The following MIA3 variants were observed in gnomAD, a reference collection of about 807,000 sequenced individuals.
MIA3 encodes the protein transport and Golgi organization protein 1 homolog.
In MIA3, 90 loss-of-function variants were observed where a neutral mutation model predicts 192.4. The observed-to-expected ratio is 0.47, with a 90% CI of 0.39 to 0.56. The LOEUF (loss-of-function observed/expected upper bound fraction) is 0.56, where lower values mean the gene tolerates loss of function less well. MIA3 is among the 20% of genes least tolerant of loss of function. The probability of loss-of-function intolerance (pLI) is 0.00; values close to 1 mark genes in which losing one functional copy is unlikely to be tolerated. For missense variants in MIA3, 2,123 were observed against 2,269.4 expected (o/e 0.94, Z 1.31); for synonymous variants, 740 against 792.8 (o/e 0.93, Z 1.12).
chr1:222,662,774 A>T, intron 26 of MIA3: 1 of 165,226 alleles, frequency 6.1e-6, no homozygotes. Flanking sequence ...GGCAAAGTAA[A>T]TTCATTGTAA....
At chr1:222,665,271 T>A (rs1664223557) in intron 27 of MIA3, 38 bp from the exon 28 acceptor site, 1 of 1,433,376 alleles carries the variant, frequency 7.0e-7, no homozygotes, top group African/African-American at 1.4e-5. Context: ...TTTAAATACG[T>A]TCCTAGGAAT....
rs1571909284 is a variant in MIA3 at position 222,660,267 on chromosome 1, C to T, written c.5066C>T (p.Pro1689Leu). The T allele has an allele frequency of 1.9e-6, 3 of 1,614,026 alleles. No homozygotes were observed. In the African/African-American group the frequency reaches 4.0e-5, roughly 22 times the overall value. Reference sequence around the variant, plus strand: ...TTGACAGTGGAGCCACCCGTGAGACCTCTCTCTGCTACTCTCAATCGAAGA... The same window carrying T: ...TTGACAGTGGAGCCACCCGTGAGACTTCTCTCTGCTACTCTCAATCGAAGA... Reference protein sequence around the residue: ...PPLTVEPPVRPLSATLNRRDM... With the variant: ...PPLTVEPPVRLLSATLNRRDM... Residue 1689 changes from proline to leucine, a missense_variant, in exon 24 of 28, where the codon CCT becomes CTT. This residue lies in a region of MIA3 where 762 missense variants were observed against 856.4 expected (regional missense o/e 0.89). Coordinates refer to ENST00000344922, the MANE Select transcript of MIA3 (RefSeq NM_198551.4).
At chr1:222,638,905 T>C (rs1283161847) in intron 6 of MIA3, among the ~76,000 whole-genome samples, 3 of 151,582 alleles carry the variant, frequency 2.0e-5, no homozygotes, top group Non-Finnish European at 2.9e-5. Flanking sequence ...AAAGAAATAA[T>C]GAAGATAAGA....
intron 6 of MIA3, chr1:222,644,489 C>T: frequency 3.2e-6 from 5 of 1,550,582 alleles, no homozygotes; most frequent in Non-Finnish European, 4.4e-6. Context: ...GACTCAGTAC[C>T]TGCCACTGTG....
chr1:222,657,131 A>C (rs780586637), intron 18 of MIA3, among the ~76,000 whole-genome samples: 2 of 152,226 alleles, frequency 1.3e-5, no homozygotes, highest in Non-Finnish European at 2.9e-5. Flanking sequence ...TGATGTTATC[A>C]TCCTACATAA....
At chr1:222,650,177 C>T (rs1367726387) in intron 8 of MIA3, 115 bp from the exon 9 acceptor site, 1 of 714,766 alleles carries the variant, frequency 1.4e-6, no homozygotes, top group African/African-American at 1.8e-5. Flanking sequence ...AATAGTTATG[C>T]TGAGAAGTTA....
intron 8 of MIA3, 97 bp downstream of exon 8, chr1:222,648,947 C>A: frequency 1.3e-6 from 1 of 792,026 alleles, no homozygotes; most frequent in Non-Finnish European, 2.0e-6. Flanking sequence ...CTTCTGATGT[C>A]TGACTGACTT....
Position 222,628,594 on chromosome 1 carries a change from A to G in MIA3, c.1374A>G (p.Val458=). ...CTAAAACAAATAATGACAAAGAAGT[A>G]AACGCAGAACATCACATTAAAGGAA... ...DIPKTNNDKE[V]NAEHHIKGKG... is the part of the protein sequence containing the mutation. Residue 458 remains valine, a synonymous_variant, in exon 4 of 28, where the codon GTA becomes GTG. Transcript: ENST00000344922. 6.2e-7 allele frequency: 1 copy of G among 1,614,174 alleles called. No individual in the cohort carries two copies. The highest frequency in any genetic ancestry group is 8.5e-7 in the Non-Finnish European group (1 of 1,180,028).
rs1428474015 is a variant in MIA3, at chr1:222,621,157, A to G, written c.134-2A>G. The G allele has an allele frequency of 6.2e-7, 1 of 1,600,202 alleles. No individual in the cohort carries two copies. The highest frequency in any genetic ancestry group is 8.5e-7 in the Non-Finnish European group (1 of 1,175,978). ...ATTTTTTTTCTCTCTCTTTATATACAGTGTTAATGTACCGCGGTGAGGCTC... is the reference window on the plus strand; with the variant it reads ...ATTTTTTTTCTCTCTCTTTATATACGGTGTTAATGTACCGCGGTGAGGCTC... On this transcript the variant is annotated splice_acceptor_variant, in intron 1 of 27. Coordinates refer to ENST00000344922, the MANE Select transcript of MIA3 (RefSeq NM_198551.4). LOFTEE classifies it high-confidence loss of function.
rs781467775 is a variant in MIA3 at position 222,659,514 on chromosome 1, GTAA to G, written c.4770+6_4770+8del. The G allele has an allele frequency of 6.2e-7, 1 of 1,613,626 alleles. No homozygotes were observed. The highest frequency in any genetic ancestry group is 8.5e-7 in the Non-Finnish European group (1 of 1,179,614). ...GACAGAGCGGTCATTTAAAAACCAG[GTAA>G]TAATTCTAGTGCCCTACTATATAGT... On this transcript the variant is annotated splice_donor_variant and splice_donor_region_variant and intron_variant, in intron 20 of 27. Transcript: ENST00000344922. LOFTEE classifies it high-confidence loss of function.
intron 27 of MIA3, 58 bp downstream of exon 27, chr1:222,664,206 A>G (rs996640573): frequency 6.4e-7 from 1 of 1,572,098 alleles, no homozygotes; most frequent in African/African-American, 1.4e-5. Flanking sequence ...TTCTCCATCT[A>G]TCCCTTGCTA....
chr1:222,662,952 T>C (rs1344907978), intron 26 of MIA3: 2 of 155,168 alleles, frequency 1.3e-5, no homozygotes, highest in Non-Finnish European at 2.9e-5. Context: ...TAATTACCCG[T>C]TGAGCCAGTT....
At chr1:222,659,364 C>T in intron 19 of MIA3, 89 bp from the exon 20 acceptor site, 1 of 1,144,306 alleles carries the variant, frequency 8.7e-7, no homozygotes, top group Non-Finnish European at 1.3e-6. Flanking sequence ...TATTAGGGTA[C>T]AGTTGTTAGG....
At chr1:222,645,048 TAGTC>T (rs1025298719) in intron 6 of MIA3, among the ~76,000 whole-genome samples, 29 of 152,340 alleles carry the variant, frequency 1.9e-4, no homozygotes, top group Middle Eastern at 3.4e-3. Context: ...TATCCGAACT[TAGTC>T]AGCATTTGTT....
At chr1:222,657,948 G>C (rs1283496698) in intron 18 of MIA3, among the ~76,000 whole-genome samples, 2 of 152,122 alleles carry the variant, frequency 1.3e-5, no homozygotes, top group African/African-American at 4.8e-5. Context: ...TTTTGCATCA[G>C]AACTATGAGT....
chr1:222,652,177 T>G, intron 12 of MIA3, 51 bp from the exon 13 acceptor site: 1 of 1,510,488 alleles, frequency 6.6e-7, no homozygotes, highest in Non-Finnish European at 9.1e-7. Context: ...AAAAGTAACT[T>G]TTTCTGGTTT....
At chr1:222,637,683 AATTT>A (rs1558182409) in intron 6 of MIA3, among the ~76,000 whole-genome samples, 11 of 29,894 alleles carry the variant, frequency 3.7e-4, no homozygotes, top group Non-Finnish European at 4.4e-4. Flanking sequence ...AATCAAGAAT[AATTT>A]TTTTTTTTTT....
intron 2 of MIA3, 83 bp from the exon 3 acceptor site, chr1:222,624,685 A>G: frequency 1.4e-6 from 1 of 710,048 alleles, no homozygotes. Context: ...TGTGCTGTAG[A>G]TTGAGGTTTG....
At chr1:222,621,869 C>T (rs1232881965) in intron 2 of MIA3, among the ~76,000 whole-genome samples, 5 of 147,574 alleles carry the variant, frequency 3.4e-5, no homozygotes, top group South Asian at 2.1e-4. Flanking sequence ...AGTGCCGTGG[C>T]GCGATCTCGG....
Sources: gnomAD v4.1 joint callset for allele counts (sites outside exome capture counted in the v4.1 genomes callset) on GRCh38, gnomAD v4.1.1 for gene constraint, gnomAD v4.1.1 regional missense constraint, MANE v1.5 for transcripts, NCBI Gene and HGNC (gene_info 2026-07-23, HGNC 2026-07-21) for gene names.